B4GALNT3: variants seen among roughly 807,000 people sequenced by gnomAD.
The protein encoded by B4GALNT3 is beta-1,4-N-acetylgalactosaminyltransferase 3.
B4GALNT3 carries 86 observed loss-of-function variants against 120.2 expected under a neutral mutation model. That is an observed-to-expected ratio of 0.72 (90% confidence interval 0.60 to 0.86). The LOEUF (loss-of-function observed/expected upper bound fraction) is 0.86. B4GALNT3 is among the 40% of genes least tolerant of loss of function. The pLI, the probability that B4GALNT3 is intolerant of heterozygous loss-of-function variation, is 0.00. For missense variants in B4GALNT3, 1,167 were observed against 1,298.9 expected (o/e 0.90, Z 1.56); for synonymous variants, 518 against 510.4 (o/e 1.01, Z -0.20).
intron 1 of B4GALNT3, among the ~76,000 whole-genome samples, chr12:472,131 T>A (rs1946142875): frequency 6.6e-6 from 1 of 152,176 alleles, no homozygotes; most frequent in African/African-American, 2.4e-5. Context: ...GAATACAAAC[T>A]TTTGTAGGGA....
chr12:513,889 C>T (rs1030176388), intron 1 of B4GALNT3, among the ~76,000 whole-genome samples: 2 of 152,128 alleles, frequency 1.3e-5, no homozygotes, highest in African/African-American at 4.8e-5. Flanking sequence ...GTGCCCAGTC[C>T]ATTTCTTTTT....
chr12:512,316 A>C (rs1283539000), intron 1 of B4GALNT3, among the ~76,000 whole-genome samples: 11 of 65,112 alleles, frequency 1.7e-4, no homozygotes, highest in South Asian at 5.0e-4. Context: ...ACCTTCTTCC[A>C]CCTTCCACCT....
intron 1 of B4GALNT3, among the ~76,000 whole-genome samples, chr12:465,312 G>A (rs868073776): frequency 6.6e-5 from 10 of 152,258 alleles, no homozygotes; most frequent in Middle Eastern, 6.8e-3. Flanking sequence ...GCACATACTA[G>A]GCGCTCAGAT....
At chr12:483,622 C>T (rs142291968) in intron 1 of B4GALNT3, among the ~76,000 whole-genome samples, 1,806 of 152,204 alleles carry the variant, frequency 0.012, 35 homozygotes, top group African/African-American at 0.04. Flanking sequence ...CGTTTGAGCC[C>T]GGGAGGCAGA....
At chr12:467,603 CTTA>C (rs1387032348) in intron 1 of B4GALNT3, among the ~76,000 whole-genome samples, 1 of 152,272 alleles carries the variant, frequency 6.6e-6, no homozygotes, top group Admixed American at 6.5e-5. Context: ...ATAATCCATG[CTTA>C]TTATACTAGA....
At chr12:481,845 G>A (rs146472062) in intron 1 of B4GALNT3, among the ~76,000 whole-genome samples, 15 of 152,208 alleles carry the variant, frequency 9.9e-5, no homozygotes, top group African/African-American at 3.4e-4. Context: ...CTGCACAGAG[G>A]GTGCTTCCTT....
intron 1 of B4GALNT3, among the ~76,000 whole-genome samples, chr12:481,621 G>A (rs543207482): frequency 1.2e-4 from 19 of 152,370 alleles, no homozygotes; most frequent in African/African-American, 4.3e-4. Context: ...CTGCCAGAGT[G>A]CATGGTGGAG....
intron 1 of B4GALNT3, among the ~76,000 whole-genome samples, chr12:532,267 G>A (rs1946816157): frequency 6.6e-6 from 1 of 152,172 alleles, no homozygotes; most frequent in South Asian, 2.1e-4. Context: ...TTACCCAGGG[G>A]CAAGACCTGA....
At chr12:495,324 T>G (rs992415322) in intron 1 of B4GALNT3, among the ~76,000 whole-genome samples, 3 of 152,192 alleles carry the variant, frequency 2.0e-5, no homozygotes, top group African/African-American at 7.2e-5. Context: ...CCAGTTGCTC[T>G]CTTTGAGGTT....
intron 1 of B4GALNT3, among the ~76,000 whole-genome samples, chr12:524,341 A>G (rs1358807326): frequency 6.6e-6 from 1 of 152,266 alleles, no homozygotes; most frequent in African/African-American, 2.4e-5. Flanking sequence ...TCGCAGATCT[A>G]GCAGCTGGCA....
At chr12:523,693 G>A (rs753933859) in intron 1 of B4GALNT3, among the ~76,000 whole-genome samples, 9 of 152,126 alleles carry the variant, frequency 5.9e-5, no homozygotes, top group South Asian at 4.1e-4. Flanking sequence ...TGTCTCCATC[G>A]GCAAAATGGA....
At chr12:549,181 G>A (rs1232307870) in intron 9 of B4GALNT3, among the ~76,000 whole-genome samples, 2 of 152,190 alleles carry the variant, frequency 1.3e-5, no homozygotes, top group Admixed American at 6.5e-5. Context: ...GAGACAGAGA[G>A]CAAAGAAGCA....
intron 1 of B4GALNT3, among the ~76,000 whole-genome samples, chr12:490,598 C>T (rs1454185308): frequency 6.6e-6 from 1 of 152,054 alleles, no homozygotes; most frequent in East Asian, 1.9e-4. Flanking sequence ...GGCATAGTGG[C>T]TTGTGCCTAT....
At chr12:518,685 G>A (rs771614458) in intron 1 of B4GALNT3, among the ~76,000 whole-genome samples, 2 of 152,148 alleles carry the variant, frequency 1.3e-5, no homozygotes, top group Admixed American at 6.5e-5. Context: ...CAGGCATGAG[G>A]CACTGTGCCC....
intron 3 of B4GALNT3, 96 bp downstream of exon 3, chr12:536,391 C>T (rs34868457): frequency 0.22 from 203,531 of 938,622 alleles, 24,836 homozygotes; most frequent in African/African-American, 0.39. Context: ...TACTAGGGAC[C>T]TTCTACCGTA....
At chr12:534,805 C>G (rs1263194954) in intron 1 of B4GALNT3, among the ~76,000 whole-genome samples, 2 of 152,210 alleles carry the variant, frequency 1.3e-5, no homozygotes, top group Admixed American at 6.5e-5. Flanking sequence ...GAAGAGTGTA[C>G]CGCCTGTCAC....
chr12:495,575 A>G (rs192982962), intron 1 of B4GALNT3, among the ~76,000 whole-genome samples: 5 of 152,282 alleles, frequency 3.3e-5, no homozygotes, highest in Non-Finnish European at 7.4e-5. Context: ...GCTGTTGTGT[A>G]CAGCTATGCA....
chr12:556,900 G>A (rs767913350), intron 15 of B4GALNT3, 34 bp downstream of exon 15: 1 of 1,574,738 alleles, frequency 6.4e-7, no homozygotes, highest in Non-Finnish European at 8.6e-7. Context: ...CATTCTCAGG[G>A]GCGGGGTCCT....
At chr12:504,992 G>A (rs1946483063) in intron 1 of B4GALNT3, among the ~76,000 whole-genome samples, 1 of 151,828 alleles carries the variant, frequency 6.6e-6, no homozygotes, top group Admixed American at 6.6e-5. Context: ...TTGGGTTCAA[G>A]CGATCCTCCT....
Sources: allele counts gnomAD v4.1 joint callset (sites outside exome capture counted in the v4.1 genomes callset), GRCh38; gene constraint gnomAD v4.1.1; transcripts MANE v1.5; gene names NCBI Gene and HGNC (gene_info 2026-07-23, HGNC 2026-07-21).